KIF21A: variants seen among roughly 807,000 people sequenced by gnomAD.
The protein encoded by KIF21A is kinesin-like protein KIF21A.
A neutral mutation model predicts 202.9 loss-of-function variants in KIF21A; 114 were observed. That is an observed-to-expected ratio of 0.56 (90% confidence interval 0.48 to 0.66). The LOEUF (loss-of-function observed/expected upper bound fraction) is 0.66. KIF21A is among the 30% of genes least tolerant of loss of function. The pLI, the probability that KIF21A is intolerant of heterozygous loss-of-function variation, is 0.00. For missense variants in KIF21A, 1,677 were observed against 1,994.9 expected (o/e 0.84, Z 3.04); for synonymous variants, 667 against 670.8 (o/e 0.99, Z 0.09).
intron 1 of KIF21A, among the ~76,000 whole-genome samples, chr12:39,441,518 T>C (rs571343798): frequency 6.6e-6 from 1 of 151,242 alleles, no homozygotes; most frequent in Non-Finnish European, 1.5e-5. Context: ...AAAAGAGAGG[T>C]AGTAGCAGTG....
At position 39,331,022 on chromosome 12, in the gene KIF21A, C is replaced by T; in HGVS notation, c.3154-111G>A. On this transcript the variant is annotated intron_variant, in intron 22 of 37. Transcript: ENST00000361418. ...TATATGGGTTTTGACATCAGATAGA[C>T]CTCGAGTCATCCCAGCTCCTCCAGT... is the stretch of plus-strand genomic sequence containing the variant. 5 of 1,077,912 alleles carry T rather than the reference C, an allele frequency of 4.6e-6. No individual in the cohort carries two copies. The South Asian group carries it at 5.2e-5, about 11-fold the overall frequency. 66.8% of individuals were successfully genotyped at this position (1,077,912 alleles called of 1,614,324 possible). A position where few individuals can be genotyped will look rare whatever the true frequency, so the allele number is the denominator to read the frequency against.
chr12:39,392,829 C>G (rs1159501879), intron 1 of KIF21A, among the ~76,000 whole-genome samples: 1 of 142,316 alleles, frequency 7.0e-6, no homozygotes, highest in Non-Finnish European at 1.5e-5. Context: ...ATTAATGAGC[C>G]ATACTAGATG....
At chr12:39,389,716 T>C (rs1050828114) in intron 1 of KIF21A, among the ~76,000 whole-genome samples, 26 of 152,232 alleles carry the variant, frequency 1.7e-4, no homozygotes, top group Non-Finnish European at 3.2e-4. Context: ...CAGTACAATA[T>C]ATCCTTATCC....
At chr12:39,421,724 TA>T (rs1248188716) in intron 1 of KIF21A, among the ~76,000 whole-genome samples, 3 of 73,368 alleles carry the variant, frequency 4.1e-5, no homozygotes, top group East Asian at 2.8e-3. Flanking sequence ...ATATATAATT[TA>T]TATATATATA....
chr12:39,348,906 C>T (rs1592271423), intron 11 of KIF21A, among the ~76,000 whole-genome samples: 1 of 151,810 alleles, frequency 6.6e-6, no homozygotes. Context: ...TTCCAAATAC[C>T]CCTACAAAGG....
intron 1 of KIF21A, among the ~76,000 whole-genome samples, chr12:39,438,058 AGTTT>A (rs1395408194): frequency 1.3e-5 from 2 of 152,154 alleles, no homozygotes; most frequent in Non-Finnish European, 2.9e-5. Context: ...CAGAAACCTG[AGTTT>A]GAGTTCCAAT....
chr12:39,360,118 G>C (rs1395204167), intron 7 of KIF21A, among the ~76,000 whole-genome samples: 2 of 151,946 alleles, frequency 1.3e-5, no homozygotes, highest in African/African-American at 4.8e-5. Flanking sequence ...CAATTGTATA[G>C]GGAAAACATC....
At chr12:39,391,251 C>T (rs1386372252) in intron 1 of KIF21A, among the ~76,000 whole-genome samples, 1 of 151,952 alleles carries the variant, frequency 6.6e-6, no homozygotes, top group Non-Finnish European at 1.5e-5. Context: ...CCATTTGGTT[C>T]TTAAGTTTTA....
intron 21 of KIF21A, 101 bp from the exon 22 acceptor site, chr12:39,331,892 T>C: frequency 1.1e-6 from 1 of 902,076 alleles, no homozygotes; most frequent in Admixed American, 1.8e-5. Flanking sequence ...TTGGGTTAGC[T>C]AATGAGATGC....
At chr12:39,357,929 A>G (rs1427174198) in intron 8 of KIF21A, among the ~76,000 whole-genome samples, 10 of 74,306 alleles carry the variant, frequency 1.3e-4, no homozygotes, top group Admixed American at 4.4e-4. Flanking sequence ...AAAAAAAAAA[A>G]AAAAAAAAAA....
intron 1 of KIF21A, among the ~76,000 whole-genome samples, chr12:39,439,643 T>A (rs1939289802): frequency 6.6e-6 from 1 of 152,220 alleles, no homozygotes; most frequent in South Asian, 2.1e-4. Flanking sequence ...ATTAAAAATT[T>A]AGTTCCTCAT....
chr12:39,402,971 G>T (rs1186128457), intron 1 of KIF21A, among the ~76,000 whole-genome samples: 1 of 152,114 alleles, frequency 6.6e-6, no homozygotes, highest in Non-Finnish European at 1.5e-5. Context: ...TGATTGTTGT[G>T]CTGGTTCATG....
chr12:39,296,892 C>G (rs1389594061), intron 37 of KIF21A, among the ~76,000 whole-genome samples: 1 of 152,186 alleles, frequency 6.6e-6, no homozygotes, highest in Non-Finnish European at 1.5e-5. Context: ...GGAATATCAT[C>G]TAACATACTT....
At chr12:39,301,762 T>G in intron 36 of KIF21A, 83 bp from the exon 37 acceptor site, 1 of 1,195,498 alleles carries the variant, frequency 8.4e-7, no homozygotes, top group Non-Finnish European at 1.2e-6. Context: ...GAAAAACATT[T>G]TATTGCCAAA....
intron 16 of KIF21A, 162 bp from the exon 17 acceptor site, chr12:39,337,365 T>C: frequency 1.6e-6 from 1 of 611,378 alleles, no homozygotes; most frequent in South Asian, 1.9e-5. Flanking sequence ...TCTGTGGGAT[T>C]CATATATTTC....
rs1371326531 is a variant in KIF21A at position 39,442,716 on chromosome 12, G to C, written c.44+211C>G. Among the ~76,000 whole-genome samples, 1 of 152,098 alleles carries C rather than the reference G, an allele frequency of 6.6e-6. No homozygotes were observed. The highest frequency in any genetic ancestry group is 1.5e-5 in the Non-Finnish European group (1 of 67,994). ...CCGCCAGCCACCTGCAAACACAGAC[G>C]GCGTGAGGGCGGCGCAGTCGCCCTG... is the stretch of plus-strand genomic sequence containing the variant. On this transcript the variant is annotated intron_variant, in intron 1 of 37. Transcript: ENST00000361418. This position sits in a 1 kb window ranked among gnomAD's most constrained non-coding sequence, Gnocchi z 5.0.
intron 17 of KIF21A, among the ~76,000 whole-genome samples, chr12:39,335,009 C>T (rs74469562): frequency 2.6e-5 from 4 of 152,202 alleles, no homozygotes; most frequent in South Asian, 2.1e-4. Flanking sequence ...AGAACCCAAA[C>T]GTCTATCAAC....
chr12:39,437,452 T>C (rs1031242793), intron 1 of KIF21A, among the ~76,000 whole-genome samples: 3 of 152,210 alleles, frequency 2.0e-5, no homozygotes, highest in African/African-American at 7.2e-5. Flanking sequence ...CTTTTCAGTC[T>C]ACTCTCTTTC....
chr12:39,421,444 G>A (rs1954249844), intron 1 of KIF21A, among the ~76,000 whole-genome samples: 1 of 152,068 alleles, frequency 6.6e-6, no homozygotes, highest in South Asian at 2.1e-4. Flanking sequence ...TGTAATCCCA[G>A]CACTTTGGTT....
Sources: gnomAD v4.1 joint callset for allele counts (sites outside exome capture counted in the v4.1 genomes callset) on GRCh38, gnomAD v4.1.1 for gene constraint, Gnocchi (gnomAD v3.1) non-coding constraint, MANE v1.5 for transcripts, NCBI Gene and HGNC (gene_info 2026-07-23, HGNC 2026-07-21) for gene names.